The following ELOVL4 variants were observed in gnomAD, a reference collection of about 807,000 sequenced individuals.
ELOVL4 encodes the protein ELOVL fatty acid elongase 4, also known as very long chain fatty acid elongase 4.
ELOVL4 carries 18 observed loss-of-function variants against 42.1 expected under a neutral mutation model. That is an observed-to-expected ratio of 0.43 (90% CI 0.30 to 0.63). The LOEUF (loss-of-function observed/expected upper bound fraction) is 0.63, where lower values mean the gene tolerates loss of function less well. ELOVL4 is among the 30% of genes least tolerant of loss of function. The pLI is 0.15. For synonymous variants in ELOVL4, 117 were observed against 127.0 expected (o/e 0.92, Z 0.53); for missense variants, 299 against 376.2 (o/e 0.79, Z 1.70).
chr6:79,933,405 G>T (rs1296753402), intron 1 of ELOVL4, among the ~76,000 whole-genome samples: 1 of 151,882 alleles, frequency 6.6e-6, no homozygotes. Context: ...TAATTTTTGT[G>T]TTTTTTGTAG....
rs189054014 is a variant in ELOVL4 at position 79,916,938 on chromosome 6, T to G, written c.670-55A>C. 282 of 1,605,772 alleles carry G rather than the reference T, an allele frequency of 1.8e-4. No individual in the cohort carries two copies. In the African/African-American group the frequency reaches 3.5e-3, roughly 20 times the overall value. ...TTTAATCTGAATAGTAAACAACTTT[T>G]AACAACATCGGCATCTTCTACATAG... On this transcript the variant is annotated intron_variant, in intron 5 of 5. Coordinates refer to ENST00000369816, the MANE Select transcript of ELOVL4 (RefSeq NM_022726.4).
intron 1 of ELOVL4, among the ~76,000 whole-genome samples, chr6:79,934,281 C>A (rs1774505820): frequency 6.6e-6 from 1 of 151,900 alleles, no homozygotes; most frequent in Admixed American, 6.6e-5. Flanking sequence ...GCAAATAAGC[C>A]AGAGAGGCAG....
At chr6:79,938,045 T>C (rs769775162) in intron 1 of ELOVL4, among the ~76,000 whole-genome samples, 3 of 152,160 alleles carry the variant, frequency 2.0e-5, no homozygotes, top group Admixed American at 6.5e-5. Flanking sequence ...GATGTCCAAA[T>C]TCATGACTTC....
chr6:79,943,511 T>C (rs1227366302), intron 1 of ELOVL4, among the ~76,000 whole-genome samples: 3 of 152,172 alleles, frequency 2.0e-5, no homozygotes, highest in African/African-American at 7.2e-5. Context: ...TAAAAACAAC[T>C]GTATATTCCT....
chr6:79,938,481 C>T (rs1331760241), intron 1 of ELOVL4, among the ~76,000 whole-genome samples: 1 of 152,176 alleles, frequency 6.6e-6, no homozygotes, highest in Admixed American at 6.5e-5. Flanking sequence ...ATTTCATTAT[C>T]CTTTCACTAA....
chr6:79,916,552 TTA>T lies in ELOVL4; in HGVS notation c.*54_*55del. The T allele has an allele frequency of 6.2e-7, 1 of 1,606,918 alleles. No homozygotes were observed. Among genetic ancestry groups the T allele is most frequent in the Admixed American group, 1.7e-5 (1 of 59,972 alleles). On this transcript the variant is annotated 3_prime_UTR_variant, in exon 6 of 6. Coordinates refer to ENST00000369816, the MANE Select transcript of ELOVL4 (RefSeq NM_022726.4). ...CTTTGCTTCTGTTTTCCCTGAAATT[TTA>T]TATGATATGGGAGTTTTTCCTCACT...
At position 79,947,283 on chromosome 6, in the gene ELOVL4, G is replaced by T; in HGVS notation, c.-4C>A. 1.2e-6 allele frequency: 2 copies of T among 1,609,666 alleles called. No individual in the cohort carries two copies. Among genetic ancestry groups the T allele is most frequent in the Non-Finnish European group, 8.5e-7 (1 of 1,177,262 alleles). The stretch of plus-strand genomic sequence containing the variant: ...GCTCCGAGTCCAGGAGCCCCATCGC[G>T]GCGATGAGCGGGCGCTGGCGGCAGG... On this transcript the variant is annotated 5_prime_UTR_variant, in exon 1 of 6. Coordinates refer to ENST00000369816, the MANE Select transcript of ELOVL4 (RefSeq NM_022726.4).
intron 1 of ELOVL4, among the ~76,000 whole-genome samples, chr6:79,934,310 C>T (rs1774506366): frequency 6.6e-6 from 1 of 151,902 alleles, no homozygotes. Flanking sequence ...AAAACCATGT[C>T]ACAAAGACCG....
intron 1 of ELOVL4, among the ~76,000 whole-genome samples, chr6:79,940,447 C>T (rs1774627649): frequency 6.6e-6 from 1 of 151,906 alleles, no homozygotes; most frequent in African/African-American, 2.4e-5. Flanking sequence ...TTCTGTAAGA[C>T]CTACACATTT....
intron 3 of ELOVL4, among the ~76,000 whole-genome samples, chr6:79,923,165 A>C (rs1774286600): frequency 6.6e-6 from 1 of 152,198 alleles, no homozygotes; most frequent in Non-Finnish European, 1.5e-5. Context: ...AGATATCTTT[A>C]AATAAACTAC....
chr6:79,926,317 A>G lies in ELOVL4; in HGVS notation c.165T>C (p.Leu55=). The G allele has an allele frequency of 6.2e-7, 1 of 1,614,066 alleles. No individual in the cohort carries two copies. The highest frequency in any genetic ancestry group is 8.5e-7 in the Non-Finnish European group (1 of 1,179,976). ...GACCCAGCCACACAAACAGGAGATA[A>G]AGAGTGCTTATACTTAGTGTAGGCC... ...SPWPTLSIST[L]YLLFVWLGPK... is the part of the protein sequence containing the mutation. Residue 55 remains leucine, a synonymous_variant, in exon 2 of 6, where the codon CTT becomes CTC. Transcript: ENST00000369816.
At chr6:79,945,993 G>GT (rs1367339553) in intron 1 of ELOVL4, among the ~76,000 whole-genome samples, 1 of 152,152 alleles carries the variant, frequency 6.6e-6, no homozygotes, top group Non-Finnish European at 1.5e-5. Flanking sequence ...TCCAGCATAC[G>GT]TTTTTCCCAA....
Position 79,921,914 on chromosome 6 carries a change from G to C in ELOVL4, c.370-118C>G, listed in dbSNP as rs7770586. 137,832 of 982,078 alleles carry C rather than the reference G, an allele frequency of 0.14. 12,011 individuals carry two copies. The highest frequency in any genetic ancestry group is 0.35 in the South Asian group (24,394 of 69,882). The allele number at this position is 982,078 out of a possible 1,614,324, so 60.8% of individuals were successfully genotyped here. On this transcript the variant is annotated intron_variant, in intron 3 of 5. Coordinates refer to ENST00000369816, the MANE Select transcript of ELOVL4 (RefSeq NM_022726.4). ...TATTGCACAAAATGTACAAGGCATG[G>C]AATCATTAATGGCTAAGTAGGTTTG...
chr6:79,941,298 G>C (rs2127702252), intron 1 of ELOVL4, among the ~76,000 whole-genome samples: 1 of 152,264 alleles, frequency 6.6e-6, no homozygotes, highest in Middle Eastern at 3.4e-3. Flanking sequence ...TAGCAAATCA[G>C]CAGCAGACCA....
chr6:79,928,764 G>T (rs1246387630), intron 1 of ELOVL4, among the ~76,000 whole-genome samples: 1 of 115,110 alleles, frequency 8.7e-6, no homozygotes, highest in East Asian at 2.5e-4. Flanking sequence ...TTAAGAAATG[G>T]AGTCTCATTC....
chr6:79,930,457 T>C (rs1179896641), intron 1 of ELOVL4, among the ~76,000 whole-genome samples: 1 of 152,240 alleles, frequency 6.6e-6, no homozygotes, highest in Non-Finnish European at 1.5e-5. Flanking sequence ...TCCATGTCTT[T>C]ACATGTTATA....
In ELOVL4 at chr6:79,919,431, TAGTC is replaced by T; in HGVS notation, c.654_657del (p.Thr219CysfsTer4). 6.2e-7 allele frequency: 1 copy of T among 1,613,754 alleles called. No homozygotes were observed. Among genetic ancestry groups the T allele is most frequent in the Non-Finnish European group, 8.5e-7 (1 of 1,179,778 alleles). On this transcript the variant is annotated frameshift_variant, in exon 5 of 6. Transcript: ENST00000369816. LOFTEE classifies it high-confidence loss of function. ...AGCATTTAACTCACCAGTTGCAACA[TAGTC>T]AGGTATCGTTTCCACCAAAGATATT...
At chr6:79,919,579 C>G (rs371104774) in intron 4 of ELOVL4, 32 bp from the exon 5 acceptor site, 3 of 1,609,630 alleles carry the variant, frequency 1.9e-6, no homozygotes, top group African/African-American at 2.7e-5. Context: ...TTACAAGATA[C>G]AGAAAATTTT....
intron 5 of ELOVL4, among the ~76,000 whole-genome samples, chr6:79,918,908 A>G (rs1437297491): frequency 6.6e-6 from 1 of 152,182 alleles, no homozygotes; most frequent in African/African-American, 2.4e-5. Flanking sequence ...TCTTGCCCTT[A>G]TTCCCTTCCT....
Sources: gnomAD v4.1 joint callset for allele counts (sites outside exome capture counted in the v4.1 genomes callset) on GRCh38, gnomAD v4.1.1 for gene constraint, MANE v1.5 for transcripts, NCBI Gene and HGNC (gene_info 2026-07-23, HGNC 2026-07-21) for gene names.